NCKAP5: variants seen among roughly 807,000 people sequenced by gnomAD.
The protein encoded by NCKAP5 is NCK associated protein 5.
In NCKAP5, 92 loss-of-function variants were observed where a neutral mutation model predicts 167.0. The ratio of observed to expected loss-of-function variants is 0.55; its 90% CI spans 0.47 to 0.66. The LOEUF is 0.66. Ranked by LOEUF, NCKAP5 falls within the 30% of genes least tolerant of loss-of-function variation. The pLI, the probability that NCKAP5 is intolerant of heterozygous loss-of-function variation, is 0.00. For missense variants in NCKAP5, 2,378 were observed against 2,315.0 expected (o/e 1.03, Z -0.56); for synonymous variants, 891 against 877.4 (o/e 1.02, Z -0.27).
chr2:133,672,202 T>C, the NCKAP5 span, among the ~76,000 whole-genome samples: 12 of 152,130 alleles, frequency 7.9e-5, no homozygotes, highest in African/African-American at 2.9e-4. Context: ...AAAGCAAACA[T>C]CAGCAGCAAA....
Position 132,839,496 on chromosome 2 carries a change from C to T in NCKAP5, c.807+20996G>A, listed in dbSNP as rs1464930604. ...GTGCAAATGGTGGAGTGCAACAGCT[C>T]ATGCCTGTAATCCCAACACTTCAGG... is the stretch of plus-strand genomic sequence containing the variant. On this transcript the variant is annotated intron_variant, in intron 11 of 19. Transcript: ENST00000409261. Among the ~76,000 whole-genome samples, 15 of 152,080 alleles carry T rather than the reference C, an allele frequency of 9.9e-5. 1 individual carries two copies. Among genetic ancestry groups the T allele is most frequent in the Admixed American group, 9.8e-4 (15 of 15,274 alleles).
chr2:133,494,730 C>T (rs1681784619), intron 3 of NCKAP5, among the ~76,000 whole-genome samples: 1 of 152,136 alleles, frequency 6.6e-6, no homozygotes. Flanking sequence ...AGCAATAAGA[C>T]ACCCAGTTCC....
intron 2 of NCKAP5, among the ~76,000 whole-genome samples, chr2:133,545,866 A>G (rs1686618006): frequency 6.6e-6 from 1 of 152,242 alleles, no homozygotes; most frequent in Non-Finnish European, 1.5e-5. Context: ...AAAATGATAC[A>G]CAAACCTCTT....
At chr2:132,755,831 AG>A (rs67122623) in intron 16 of NCKAP5, among the ~76,000 whole-genome samples, 24 of 90,116 alleles carry the variant, frequency 2.7e-4, no homozygotes, top group African/African-American at 8.1e-4. Context: ...ATTCTGTCTC[AG>A]AAAAAAAAAT....
At chr2:133,442,958 T>C (rs569055351) in intron 3 of NCKAP5, among the ~76,000 whole-genome samples, 2 of 152,364 alleles carry the variant, frequency 1.3e-5, no homozygotes, top group Non-Finnish European at 2.9e-5. Flanking sequence ...TCTAGTAAGA[T>C]AAACAGCATT....
intron 11 of NCKAP5, among the ~76,000 whole-genome samples, chr2:132,849,094 AT>A (rs1199655505): frequency 3.3e-5 from 5 of 150,298 alleles, no homozygotes; most frequent in African/African-American, 7.5e-5. Flanking sequence ...GGATTTTGTA[AT>A]TAAGGGATTA....
intron 3 of NCKAP5, among the ~76,000 whole-genome samples, chr2:133,468,492 T>G (rs10204121): frequency 0.21 from 31,787 of 150,106 alleles, 3,647 homozygotes; most frequent in East Asian, 0.39. Flanking sequence ...ATTCTGTTGA[T>G]TTGGGGTGGA....
intron 4 of NCKAP5, among the ~76,000 whole-genome samples, chr2:133,219,927 T>C (rs1177604142): frequency 6.6e-6 from 1 of 152,164 alleles, no homozygotes; most frequent in East Asian, 1.9e-4. Flanking sequence ...AGAATCTCAT[T>C]TGTCCTTGCG....
intron 11 of NCKAP5, among the ~76,000 whole-genome samples, chr2:132,831,469 C>G (rs2069250909): frequency 6.6e-6 from 1 of 152,050 alleles, no homozygotes; most frequent in Non-Finnish European, 1.5e-5. Flanking sequence ...TGTTTGATTG[C>G]TGTTTTATTT....
At chr2:132,804,017 C>T (rs772738903) in intron 11 of NCKAP5, among the ~76,000 whole-genome samples, 12 of 152,296 alleles carry the variant, frequency 7.9e-5, no homozygotes, top group Non-Finnish European at 1.5e-4. Flanking sequence ...GCAAAGGGAA[C>T]TTAGCTCTTC....
At chr2:133,517,353 C>A in intron 3 of NCKAP5, 105 bp downstream of exon 3, 1 of 513,010 alleles carries the variant, frequency 1.9e-6, no homozygotes, top group East Asian at 3.4e-5. Context: ...AATGGTGTAA[C>A]TGGAAGAGAG....
chr2:132,922,141 C>T (rs1163018947), intron 8 of NCKAP5, among the ~76,000 whole-genome samples: 3 of 152,188 alleles, frequency 2.0e-5, no homozygotes, highest in South Asian at 2.1e-4. Context: ...TGAGTAAATA[C>T]ACTGCCAGAA....
At chr2:133,466,675 T>C (rs1338178547) in intron 3 of NCKAP5, among the ~76,000 whole-genome samples, 1 of 152,238 alleles carries the variant, frequency 6.6e-6, no homozygotes, top group Non-Finnish European at 1.5e-5. Context: ...TTGTATCCTC[T>C]TTTATTTCCT....
intron 3 of NCKAP5, among the ~76,000 whole-genome samples, chr2:133,411,277 A>G (rs753554479): frequency 1.4e-4 from 22 of 152,206 alleles, no homozygotes; most frequent in Non-Finnish European, 2.8e-4. Flanking sequence ...AGTCATGTGT[A>G]TGGGTGTGGG....
At chr2:133,643,689 A>C in the NCKAP5 span, among the ~76,000 whole-genome samples, 8 of 152,268 alleles carry the variant, frequency 5.3e-5, no homozygotes, top group African/African-American at 1.9e-4. Flanking sequence ...ATCATTTTCA[A>C]GTTCCCTCAG....
At chr2:133,302,909 G>A (rs1680499773) in intron 4 of NCKAP5, 128 bp downstream of exon 4, 1 of 547,088 alleles carries the variant, frequency 1.8e-6, no homozygotes, top group African/African-American at 1.9e-5. Context: ...TAGTTTCTTA[G>A]AATCTAACAG....
At chr2:133,565,876 T>G (rs950551129) in intron 1 of NCKAP5, among the ~76,000 whole-genome samples, 6 of 152,216 alleles carry the variant, frequency 3.9e-5, no homozygotes, top group Non-Finnish European at 8.8e-5. Flanking sequence ...CATAATACAT[T>G]GAATAACTAC....
At chr2:132,860,222 A>G (rs1327397155) in intron 11 of NCKAP5, among the ~76,000 whole-genome samples, 1 of 152,144 alleles carries the variant, frequency 6.6e-6, no homozygotes, top group Non-Finnish European at 1.5e-5. Flanking sequence ...ACTCCTTTCC[A>G]TGGTTCCATT....
intron 5 of NCKAP5, among the ~76,000 whole-genome samples, chr2:133,161,601 T>C (rs2083796386): frequency 6.6e-6 from 1 of 152,262 alleles, no homozygotes; most frequent in East Asian, 1.9e-4. Flanking sequence ...CCACCTAGCA[T>C]TGTGATGTCA....
Sources: gnomAD v4.1 joint callset for allele counts (sites outside exome capture counted in the v4.1 genomes callset) on GRCh38, gnomAD v4.1.1 for gene constraint, MANE v1.5 for transcripts, NCBI Gene and HGNC (gene_info 2026-07-23, HGNC 2026-07-21) for gene names.